The following CFAP46 variants were observed in gnomAD, a reference collection of about 807,000 sequenced individuals.
CFAP46 encodes cilia- and flagella-associated protein 46.
A neutral mutation model predicts 325.7 loss-of-function variants in CFAP46; 245 were observed. The ratio of observed to expected loss-of-function variants is 0.75; its 90% confidence interval spans 0.68 to 0.84. CFAP46 has a LOEUF of 0.84. Among genes scored for constraint, CFAP46 ranks in the 40% least tolerant of loss-of-function variants. CFAP46 has a pLI of 0.00. For missense variants in CFAP46, 3,346 were observed against 3,543.0 expected, an observed-to-expected ratio of 0.94 and a Z score of 1.41; for synonymous variants, 1,523 against 1,495.9, an observed-to-expected ratio of 1.02 and a Z score of -0.42.
At chr10:132,826,148 C>T (rs865869720) in intron 50 of CFAP46, among the ~76,000 whole-genome samples, 54 of 127,582 alleles carry the variant, frequency 4.2e-4, no homozygotes, top group Non-Finnish European at 6.1e-4. Context: ...AGACCAGCCA[C>T]GGAGCCAGGC....
chr10:132,882,210 G>A (rs1359878094), intron 27 of CFAP46, among the ~76,000 whole-genome samples: 2 of 150,772 alleles, frequency 1.3e-5, no homozygotes, highest in Non-Finnish European at 3.0e-5. Context: ...GGGTATGAGT[G>A]GTGTGTGTGG....
chr10:132,816,224 G>A (rs1003618522), intron 50 of CFAP46, among the ~76,000 whole-genome samples: 6 of 151,232 alleles, frequency 4.0e-5, no homozygotes, highest in Non-Finnish European at 7.4e-5. Flanking sequence ...CGTTTCTGGC[G>A]TTCTCGGTTG....
chr10:132,822,711 A>ATGTGTGCTGATGTGTGCTG (rs1554964368), intron 50 of CFAP46, among the ~76,000 whole-genome samples: 2 of 73,630 alleles, frequency 2.7e-5, no homozygotes, highest in African/African-American at 1.1e-4. Flanking sequence ...GTGAGTGCTG[A>ATGTGTGCTGATGTGTGCTG]TGTGTGCTGA....
rs556651283 is a variant in CFAP46 at position 132,935,809 on chromosome 10, T to C, written c.756-947A>G. Reference sequence around the variant, plus strand: ...TCACTCCCCTCACATCCAAACACACTGTGATCTCCTCACTCCCCTCGGCAC... The same window carrying C: ...TCACTCCCCTCACATCCAAACACACCGTGATCTCCTCACTCCCCTCGGCAC... On this transcript the variant is annotated intron_variant, in intron 7 of 57. Transcript: ENST00000368586. Among the ~76,000 whole-genome samples the C allele has an allele frequency of 1.1e-3, 104 of 91,846 alleles. 2 individuals carry two copies. Among genetic ancestry groups the C allele is most frequent in the African/African-American group, 2.9e-3 (67 of 22,844 alleles). The allele number at this position is 91,846 out of a possible 152,430, so 60.3% of individuals were successfully genotyped here. A position where few individuals can be genotyped will look rare whatever the true frequency, so the allele number is the denominator to read the frequency against.
rs748892730 is a variant in CFAP46, at chr10:132,938,618, T to C, written c.507A>G (p.Glu169=). The change falls in exon 5 of 58, where the codon GAA becomes GAG. Residue 169 remains glutamate, a synonymous_variant. Coordinates refer to ENST00000368586, the MANE Select transcript of CFAP46 (RefSeq NM_001200049.3). ...IINVLSQTEE[E]DKEWRAELML... ...TCAGCTCAGCACGCCACTCCTTGTC[T>C]TCCTCCTCAGTCTGACTCAGCACGT... 1.1e-5 allele frequency: 17 copies of C among 1,613,406 alleles called. No homozygotes were observed. Among genetic ancestry groups the C allele is most frequent in the African/African-American group, 9.3e-5 (7 of 74,918 alleles).
chr10:132,915,038 C>T (rs1849615432), intron 17 of CFAP46, among the ~76,000 whole-genome samples: 1 of 152,286 alleles, frequency 6.6e-6, no homozygotes, highest in Non-Finnish European at 1.5e-5. Flanking sequence ...GTCTGTCCGT[C>T]CCGCTAGACC....
intron 22 of CFAP46, among the ~76,000 whole-genome samples, chr10:132,906,444 C>T (rs73393292): frequency 0.11 from 16,737 of 151,214 alleles, 2,500 homozygotes; most frequent in African/African-American, 0.34. Context: ...GAAGAGTGAA[C>T]GGGGTCCTGG....
intron 37 of CFAP46, among the ~76,000 whole-genome samples, chr10:132,860,112 T>C (rs1176048378): frequency 5.3e-5 from 8 of 152,178 alleles, no homozygotes; most frequent in Non-Finnish European, 1.2e-4. Context: ...CCTACAAATT[T>C]ATACCGACAC....
At chr10:132,940,601 A>G (rs1038453408) in intron 4 of CFAP46, among the ~76,000 whole-genome samples, 4 of 151,348 alleles carry the variant, frequency 2.6e-5, no homozygotes, top group Non-Finnish European at 5.9e-5. Flanking sequence ...TTTTATTGAT[A>G]CAGAGTCTCG....
In CFAP46 at chr10:132,915,558, C is replaced by T. The variant is rs563052935; in HGVS notation, c.2120+991G>A. ...CAAGGGACCGGCGAGGGCGGGGCGC[C>T]GTGCCCAGCTTCTGCCCCGAGGGAC... On this transcript the variant is annotated intron_variant, in intron 17 of 57. Transcript: ENST00000368586. Among the ~76,000 whole-genome samples the T allele has an allele frequency of 5.3e-5, 8 of 151,700 alleles. No individual in the cohort carries two copies. The East Asian group carries it at 9.6e-4, about 18-fold the overall frequency.
rs550429175 is a variant in CFAP46, at chr10:132,908,451, T to C, written c.2924+17A>G. On this transcript the variant is annotated intron_variant, in intron 22 of 57. Coordinates refer to ENST00000368586, the MANE Select transcript of CFAP46 (RefSeq NM_001200049.3). Reference sequence around the variant, plus strand: ...GCCCGTTTTGAGGGAATTTGTCCAGTCATGAGGGTTACTTACGGCCCAAAT... The same window carrying C: ...GCCCGTTTTGAGGGAATTTGTCCAGCCATGAGGGTTACTTACGGCCCAAAT... 1.9e-6 allele frequency: 3 copies of C among 1,550,408 alleles called. No homozygotes were observed. In the South Asian group the frequency reaches 3.6e-5, roughly 18 times the overall value.
chr10:132,869,738 C>G lies in CFAP46; in HGVS notation c.4512-366G>C, dbSNP rs1848870746. ...TTCTTGTAAAATGCTTTCAGGCAAGCAGGAAAGTTGCACAGACACCAGGAA... is the reference window on the plus strand; with the variant it reads ...TTCTTGTAAAATGCTTTCAGGCAAGGAGGAAAGTTGCACAGACACCAGGAA... On this transcript the variant is annotated intron_variant, in intron 32 of 57. Transcript: ENST00000368586. The surrounding 1 kb of genome is among the most constrained non-coding windows in gnomAD (Gnocchi z 6.2). 6.6e-6 allele frequency among the ~76,000 whole-genome samples: 1 copy of G among 152,138 alleles called. No individual in the cohort carries two copies. The highest frequency in any genetic ancestry group is 2.4e-5 in the African/African-American group (1 of 41,416).
chr10:132,859,207 C>T lies in CFAP46; in HGVS notation c.5239G>A (p.Val1747Ile). Residue 1747 changes from valine to isoleucine, a missense_variant, in exon 38 of 58, where the codon GTC becomes ATC. By Grantham distance (29) the Val-to-Ile change is conservative. Coordinates refer to ENST00000368586, the MANE Select transcript of CFAP46 (RefSeq NM_001200049.3). ...LRVRVAQHSA[V>I]TEPTECSLLL... is the part of the protein sequence containing the mutation. ...AACGAGCACTCTGTGGGTTCAGTGACCGCTGAGTGCTGCGCAACTCTGACC... is the reference window on the plus strand; with the variant it reads ...AACGAGCACTCTGTGGGTTCAGTGATCGCTGAGTGCTGCGCAACTCTGACC... The T allele has an allele frequency of 6.5e-7, 1 of 1,550,286 alleles. No individual in the cohort carries two copies. The highest frequency in any genetic ancestry group is 1.2e-5 in the South Asian group (1 of 84,066).
At chr10:132,822,469 ATGTGTGCTGTGTGTGCTG>A (rs61728257) in intron 50 of CFAP46, among the ~76,000 whole-genome samples, 3 of 101,406 alleles carry the variant, frequency 3.0e-5, no homozygotes, top group African/African-American at 8.0e-5. Flanking sequence ...GTGAGTGCTG[ATGTGTGCTGTGTGTGCTG>A]TGTGTGCTGA....
intron 57 of CFAP46, 27 bp downstream of exon 57, chr10:132,810,382 G>A (rs531807615): frequency 5.0e-5 from 80 of 1,606,474 alleles, no homozygotes; most frequent in East Asian, 4.9e-4. Context: ...GCTGAAGGCC[G>A]CGGGGTGCAG....
chr10:132,899,364 C>T (rs755357707), intron 23 of CFAP46, among the ~76,000 whole-genome samples, 171 bp downstream of exon 23: 1 of 152,194 alleles, frequency 6.6e-6, no homozygotes, highest in South Asian at 2.1e-4. Context: ...CAAGAGGGGG[C>T]CGCTGCACCT....
intron 24 of CFAP46, among the ~76,000 whole-genome samples, chr10:132,894,537 G>C (rs2135454822): frequency 6.6e-6 from 1 of 152,040 alleles, no homozygotes. Context: ...TTTAAAAGTT[G>C]GTTCTTCAAA....
chr10:132,835,756 G>A (rs915858382), intron 46 of CFAP46, among the ~76,000 whole-genome samples: 4 of 152,150 alleles, frequency 2.6e-5, no homozygotes, highest in African/African-American at 4.8e-5. Flanking sequence ...GGACCCCAGC[G>A]GCTCCCTGGT....
At chr10:132,915,536 G>A (rs2135568015) in intron 17 of CFAP46, among the ~76,000 whole-genome samples, 1 of 152,268 alleles carries the variant, frequency 6.6e-6, no homozygotes, top group Admixed American at 6.5e-5. Context: ...TCTGCCCCAA[G>A]GGACCGGCGA....
Sources: allele counts gnomAD v4.1 joint callset (sites outside exome capture counted in the v4.1 genomes callset), GRCh38; gene constraint gnomAD v4.1.1; non-coding constraint Gnocchi (gnomAD v3.1); transcripts MANE v1.5; gene names NCBI Gene and HGNC (gene_info 2026-07-23, HGNC 2026-07-21).